ZNF717: variants seen among roughly 807,000 people sequenced by gnomAD.
The protein encoded by ZNF717 is krueppel-like factor X17.
Under a neutral mutation model 13.8 loss-of-function variants are expected in ZNF717, and 9 were observed. The ratio of observed to expected loss-of-function variants is 0.65; its 90% CI spans 0.39 to 1.14. ZNF717 has a LOEUF of 1.14. ZNF717 is among the 50% of genes most tolerant of loss of function. The pLI, the probability that ZNF717 is intolerant of heterozygous loss-of-function variation, is 0.01. For synonymous variants in ZNF717, 327 were observed against 364.1 expected (o/e 0.90, Z 1.16); for missense variants, 1,040 against 1,080.7 (o/e 0.96, Z 0.53).
At chr3:75,733,778 C>CAAAAAAAAAAAAAAA (rs56196464), downstream of ZNF717, among the ~76,000 whole-genome samples, 27 of 26,642 alleles carry the variant, frequency 1.0e-3, 3 homozygotes, top group African/African-American at 4.7e-3. Flanking sequence ...GACTCTATCT[C>CAAAAAAAAAAAAAAA]AAAAAAAAAA....
At chr3:75,757,244 G>A (rs1237847070) in intron 2 of ZNF717, among the ~76,000 whole-genome samples, 1 of 152,198 alleles carries the variant, frequency 6.6e-6, no homozygotes, top group Admixed American at 6.5e-5. Context: ...CCCAGCTAGG[G>A]AGGAGTTGAT....
At chr3:75,720,378 T>C (rs1938144456) in intron 4 of ZNF717, among the ~76,000 whole-genome samples, 1 of 152,082 alleles carries the variant, frequency 6.6e-6, no homozygotes, top group Non-Finnish European at 1.5e-5. Flanking sequence ...AGCAACTTAA[T>C]GCAGAAACAG....
intron 6 of ZNF717, among the ~76,000 whole-genome samples, chr3:75,702,477 G>T (rs1937714151): frequency 6.6e-6 from 1 of 152,278 alleles, no homozygotes; most frequent in Non-Finnish European, 1.5e-5. Flanking sequence ...GCTGGGAAGG[G>T]CAGTGACGGA....
At chr3:75,713,697 G>A (rs1440925240) in intron 5 of ZNF717, among the ~76,000 whole-genome samples, 2 of 152,098 alleles carry the variant, frequency 1.3e-5, no homozygotes, top group East Asian at 3.9e-4. Flanking sequence ...CAGGGTCTGT[G>A]GGTTTTTCTC....
downstream of ZNF717, among the ~76,000 whole-genome samples, chr3:75,734,264 T>A (rs1262769864): frequency 6.6e-6 from 1 of 151,780 alleles, no homozygotes; most frequent in East Asian, 2.0e-4. Context: ...AGAGACAGTG[T>A]TTCACCATCT....
chr3:75,760,040 T>A (rs7626593), intron 2 of ZNF717, among the ~76,000 whole-genome samples: 23,474 of 151,410 alleles, frequency 0.16, 609 homozygotes, highest in African/African-American at 0.16. Context: ...CTTTCTTCTT[T>A]TTTTTTGAGA....
chr3:75,750,522 G>C (rs796167131), intron 2 of ZNF717, among the ~76,000 whole-genome samples: 5 of 151,878 alleles, frequency 3.3e-5, no homozygotes, highest in African/African-American at 1.2e-4. Context: ...TAGGATTCCA[G>C]AACACTGCTG....
downstream of ZNF717, among the ~76,000 whole-genome samples, chr3:75,732,787 G>A (rs1938693300): frequency 6.6e-6 from 1 of 152,240 alleles, no homozygotes; most frequent in Admixed American, 6.5e-5. Context: ...TGGATGCACT[G>A]TTACAGTAGT....
chr3:75,695,163 C>A (rs1470249421), intron 6 of ZNF717, among the ~76,000 whole-genome samples: 1 of 152,244 alleles, frequency 6.6e-6, no homozygotes, highest in Admixed American at 6.5e-5. Context: ...CCAACAGAAA[C>A]CAAAAAAGAG....
chr3:75,738,010 T>A lies in ZNF717; in HGVS notation c.1613A>T (p.Asn538Ile). 7.4e-7 allele frequency: 1 copy of A among 1,344,212 alleles called. No individual in the cohort carries two copies. Among genetic ancestry groups the A allele is most frequent in the Non-Finnish European group, 9.9e-7 (1 of 1,007,516 alleles). 83.3% of individuals were successfully genotyped at this position (1,344,212 alleles called of 1,614,324 possible). The change falls in exon 5 of 5, where the codon AAC (asparagine) becomes ATC (isoleucine). Residue 538 changes from asparagine to isoleucine, a missense_variant. Transcript: ENST00000652011. ...THAGEKPYAC[N>I]ECGKTYSHKS... ...GTGGCTATATGTTTTTCCACATTCG[T>A]TACATGCGTATGGTTTTTCCCCAGC...
At chr3:75,754,979 A>C (rs192192703) in intron 2 of ZNF717, among the ~76,000 whole-genome samples, 272 of 152,352 alleles carry the variant, frequency 1.8e-3, no homozygotes, top group African/African-American at 5.9e-3. Flanking sequence ...ACAGAGACAC[A>C]AAGATAAGAA....
intron 2 of ZNF717, among the ~76,000 whole-genome samples, chr3:75,751,628 A>G (rs1430043601): frequency 2.0e-5 from 3 of 148,034 alleles, no homozygotes; most frequent in Admixed American, 6.8e-5. Flanking sequence ...ATTCCATAAC[A>G]CTCCTGCTGT....
chr3:75,752,092 G>A (rs1282981297), intron 2 of ZNF717, among the ~76,000 whole-genome samples: 5 of 150,010 alleles, frequency 3.3e-5, no homozygotes, highest in African/African-American at 9.9e-5. Flanking sequence ...CCTCACATAG[G>A]ACTCTAGAAC....
chr3:75,764,975 A>C (rs908350821), intron 2 of ZNF717, among the ~76,000 whole-genome samples: 1 of 147,138 alleles, frequency 6.8e-6, no homozygotes, highest in African/African-American at 2.5e-5. Flanking sequence ...CCAGGAATGG[A>C]CGGATAAACA....
intron 1 of ZNF717, among the ~76,000 whole-genome samples, 190 bp from the exon 2 acceptor site, chr3:75,783,554 T>A (rs1300263707): frequency 1.3e-5 from 2 of 152,242 alleles, no homozygotes; most frequent in African/African-American, 4.8e-5. Context: ...ATAAGATACA[T>A]CTACAAGTAC....
At chr3:75,770,907 A>G (rs1250926113) in intron 2 of ZNF717, among the ~76,000 whole-genome samples, 1 of 152,212 alleles carries the variant, frequency 6.6e-6, no homozygotes, top group African/African-American at 2.4e-5. Context: ...AACAGGGACC[A>G]ACAGAACATT....
At position 75,762,159 on chromosome 3, in the gene ZNF717, C is replaced by T. The variant is rs555604930; in HGVS notation, c.58-20423G>A. Among the ~76,000 whole-genome samples, 6 of 152,134 alleles carry T rather than the reference C, an allele frequency of 3.9e-5. No homozygotes were observed. In the South Asian group the frequency reaches 1.2e-3, roughly 32 times the overall value. On this transcript the variant is annotated intron_variant, in intron 2 of 4. Coordinates refer to ENST00000652011, the MANE Select transcript of ZNF717 (RefSeq NM_001290208.3). ...AATTTTTAAAAAGAATGACATTTGG[C>T]CAGGTGTGGTGGCTCATGCCTGCAA...
In ZNF717 at chr3:75,736,260, CCAT is replaced by C. The variant is rs1245949553; in HGVS notation, c.*615_*617del. On this transcript the variant is annotated 3_prime_UTR_variant, in exon 5 of 5. Coordinates refer to ENST00000652011, the MANE Select transcript of ZNF717 (RefSeq NM_001290208.3). ...AGGCCACTTCACTCTGCAGTGGCCA[CCAT>C]GTGTTCAATTGAAAAGAAGTGTGCA... is the stretch of plus-strand genomic sequence containing the variant. 7 of 152,542 alleles carry C rather than the reference CCAT, an allele frequency of 4.6e-5. No individual in the cohort carries two copies. The highest frequency in any genetic ancestry group is 3.9e-4 in the Admixed American group (6 of 15,318). 9.4% of individuals were successfully genotyped at this position (152,542 alleles called of 1,614,324 possible).
downstream of ZNF717, among the ~76,000 whole-genome samples, chr3:75,725,525 CATA>C (rs1257357256): frequency 1.8e-4 from 27 of 152,374 alleles, no homozygotes; most frequent in Non-Finnish European, 2.6e-4. Context: ...CTGTCAAACT[CATA>C]ATAAGTCTCC....
Sources: gnomAD v4.1 joint callset for allele counts (sites outside exome capture counted in the v4.1 genomes callset) on GRCh38, gnomAD v4.1.1 for gene constraint, MANE v1.5 for transcripts, NCBI Gene and HGNC (gene_info 2026-07-23, HGNC 2026-07-21) for gene names.